Variants in LRRC28 observed in about 807,000 individuals in gnomAD.
LRRC28 encodes leucine-rich repeat-containing protein 28.
LRRC28 carries 39 observed loss-of-function variants against 45.7 expected under a neutral mutation model. The ratio of observed to expected loss-of-function variants is 0.85; its 90% CI spans 0.66 to 1.12. The LOEUF is 1.12. Among genes scored for constraint, LRRC28 ranks in the 50% most tolerant of loss-of-function variants. The probability of loss-of-function intolerance (pLI) is 0.00; values close to 1 mark genes in which losing one functional copy is unlikely to be tolerated. For missense variants in LRRC28, 435 were observed against 438.5 expected, an observed-to-expected ratio of 0.99 and a Z score of 0.07; for synonymous variants, 206 against 178.8, an observed-to-expected ratio of 1.15 and a Z score of -1.22.
At chr15:99,269,645 C>T (rs1307545761) in intron 2 of LRRC28, among the ~76,000 whole-genome samples, 1 of 152,270 alleles carries the variant, frequency 6.6e-6, no homozygotes, top group Middle Eastern at 3.4e-3. Context: ...TCAGGTAATC[C>T]ACCTCCCTCA....
At chr15:99,257,599 A>T in intron 2 of LRRC28, 1 of 637,060 alleles carries the variant, frequency 1.6e-6, no homozygotes, top group Non-Finnish European at 3.0e-6. Flanking sequence ...CTTGCGATCG[A>T]AAGGGACTTG....
chr15:99,305,432 A>AT (rs1955148242), intron 5 of LRRC28, among the ~76,000 whole-genome samples: 1 of 152,182 alleles, frequency 6.6e-6, no homozygotes, highest in Non-Finnish European at 1.5e-5. Flanking sequence ...TATTCATTTA[A>AT]TTTTTTATTT....
intron 9 of LRRC28, among the ~76,000 whole-genome samples, chr15:99,371,809 G>A (rs1777494061): frequency 6.6e-6 from 1 of 152,136 alleles, no homozygotes. Context: ...AAAATTATTT[G>A]TTGACCATCT....
intron 5 of LRRC28, among the ~76,000 whole-genome samples, chr15:99,298,860 C>T (rs1005089086): frequency 2.0e-5 from 3 of 152,096 alleles, no homozygotes; most frequent in African/African-American, 7.2e-5. Flanking sequence ...AGACATGTGC[C>T]ACCACACCCA....
chr15:99,285,351 G>C (rs1470197456), intron 3 of LRRC28: 1 of 742,590 alleles, frequency 1.3e-6, no homozygotes, highest in African/African-American at 1.7e-5. Context: ...TCCACCTTGT[G>C]TGGCTTTGCA....
At chr15:99,370,474 G>A (rs943268973) in intron 9 of LRRC28, among the ~76,000 whole-genome samples, 5 of 152,122 alleles carry the variant, frequency 3.3e-5, no homozygotes, top group African/African-American at 1.2e-4. Context: ...TTTACTATGA[G>A]TATCTTGGGA....
chr15:99,388,864 A>G lies in LRRC28; in HGVS notation c.*2762A>G, dbSNP rs1430765526. The G allele has an allele frequency of 1.3e-5, 2 of 152,218 alleles. No homozygotes were observed. Among genetic ancestry groups the G allele is most frequent in the African/African-American group, 4.8e-5 (2 of 41,456 alleles). The allele number at this position is 152,218 out of a possible 1,614,324, so 9.4% of individuals were successfully genotyped here. A position where few individuals can be genotyped will look rare whatever the true frequency, so the allele number is the denominator to read the frequency against. ...AAGTTTTAAAGTCCAGGATAGCCTC[A>G]TGAGCATAGGCCTTCCTATGAAGTA... On this transcript the variant is annotated 3_prime_UTR_variant, in exon 10 of 10. Coordinates refer to ENST00000301981, the MANE Select transcript of LRRC28 (RefSeq NM_144598.5).
At chr15:99,299,204 G>A (rs114946925) in intron 5 of LRRC28, among the ~76,000 whole-genome samples, 8 of 152,200 alleles carry the variant, frequency 5.3e-5, no homozygotes, top group African/African-American at 1.9e-4. Flanking sequence ...GTATGTTTTT[G>A]ATAAATACGT....
At chr15:99,252,887 T>C (rs1157934466) in intron 1 of LRRC28, among the ~76,000 whole-genome samples, 1 of 152,228 alleles carries the variant, frequency 6.6e-6, no homozygotes, top group Non-Finnish European at 1.5e-5. Context: ...GGGTTACTTT[T>C]AGTTACTGTG....
intron 9 of LRRC28, among the ~76,000 whole-genome samples, chr15:99,381,572 C>T (rs745786991): frequency 1.2e-4 from 18 of 152,202 alleles, no homozygotes; most frequent in South Asian, 4.1e-4. Context: ...CCGTTGCTGG[C>T]GAGGAGCTGT....
At position 99,320,871 on chromosome 15, in the gene LRRC28, T is replaced by C. The variant is rs550405422; in HGVS notation, c.386-13052T>C. The C allele has an allele frequency of 3.3e-5, 5 of 152,320 alleles. No homozygotes were observed. In the South Asian group the frequency reaches 1.0e-3, roughly 32 times the overall value. 9.4% of individuals were successfully genotyped at this position (152,320 alleles called of 1,614,324 possible). A position where few individuals can be genotyped will look rare whatever the true frequency, so the allele number is the denominator to read the frequency against. ...TCAGATCATTGTTAATTCCTTCAGATTAGTTAATCTTGAAAATACACTTAT... is the reference window on the plus strand; with the variant it reads ...TCAGATCATTGTTAATTCCTTCAGACTAGTTAATCTTGAAAATACACTTAT... On this transcript the variant is annotated intron_variant, in intron 5 of 9. Transcript: ENST00000301981.
At position 99,390,126 on chromosome 15, in the gene LRRC28, ATCAT is replaced by A. The variant is rs1376158587; in HGVS notation, c.*4028_*4031del. 2 of 152,344 alleles carry A rather than the reference ATCAT, an allele frequency of 1.3e-5. No homozygotes were observed. The highest frequency in any genetic ancestry group is 4.8e-5 in the African/African-American group (2 of 41,460). The allele number at this position is 152,344 out of a possible 1,614,324, so 9.4% of individuals were successfully genotyped here. A position where few individuals can be genotyped will look rare whatever the true frequency, so the allele number is the denominator to read the frequency against. On this transcript the variant is annotated 3_prime_UTR_variant, in exon 10 of 10. Coordinates refer to ENST00000301981, the MANE Select transcript of LRRC28 (RefSeq NM_144598.5). The stretch of plus-strand genomic sequence containing the variant: ...GAGCGAGACTCCGTCTCAAAAAAAA[ATCAT>A]TCAAGTTTCACTGTGCCTACAGTGA...
At chr15:99,272,240 C>T (rs1355072167) in intron 2 of LRRC28, among the ~76,000 whole-genome samples, 1 of 152,158 alleles carries the variant, frequency 6.6e-6, no homozygotes, top group Non-Finnish European at 1.5e-5. Flanking sequence ...TATTTCTTGT[C>T]TACACTGTAC....
intron 5 of LRRC28, among the ~76,000 whole-genome samples, chr15:99,328,217 G>T (rs1469551776): frequency 6.6e-6 from 1 of 152,194 alleles, no homozygotes; most frequent in South Asian, 2.1e-4. Context: ...AGGTCAGTTT[G>T]TTTGCAGTGC....
In LRRC28 at chr15:99,363,040, TAAG is replaced by T. The variant is rs567195878; in HGVS notation, c.872-62_872-60del. 1.0e-4 allele frequency: 151 copies of T among 1,502,616 alleles called. No homozygotes were observed. The South Asian group carries it at 1.9e-3, about 18-fold the overall frequency. 93.1% of individuals were successfully genotyped at this position (1,502,616 alleles called of 1,614,324 possible). On this transcript the variant is annotated intron_variant, in intron 8 of 9. Transcript: ENST00000301981. ...TGAACTTATTTGGTAACAAATATTT[TAAG>T]AAGCGTAGTTTAAGGAAGTCTGATT... is the stretch of plus-strand genomic sequence containing the variant.
In LRRC28 at chr15:99,308,754, A is replaced by C. The variant is rs140709791; in HGVS notation, c.385+20803A>C. On this transcript the variant is annotated intron_variant, in intron 5 of 9. Transcript: ENST00000301981. ...TATCTCTGCATAACAAATTACCACA[A>C]AGTTAGTGGCATAAAACAACACACA... Among the ~76,000 whole-genome samples the C allele has an allele frequency of 3.8e-4, 58 of 152,238 alleles. 1 individual carries two copies. Among genetic ancestry groups the C allele is most frequent in the Middle Eastern group, 3.4e-3 (1 of 294 alleles).
rs1418968798 is a variant in LRRC28 at position 99,251,548 on chromosome 15, A to C, written c.-61+7A>C. On this transcript the variant is annotated splice_region_variant and intron_variant, in intron 1 of 9. Transcript: ENST00000301981. ...TGGCTCTGCTGGCGCTGAGGTGAGT[A>C]GAGCTGTCCGCCTCGTCGGGTGATT... is the stretch of plus-strand genomic sequence containing the variant. The C allele has an allele frequency of 6.6e-6, 1 of 151,808 alleles. No homozygotes were observed. The highest frequency in any genetic ancestry group is 2.4e-5 in the African/African-American group (1 of 41,344). 9.4% of individuals were successfully genotyped at this position (151,808 alleles called of 1,614,324 possible). A position where few individuals can be genotyped will look rare whatever the true frequency, so the allele number is the denominator to read the frequency against.
chr15:99,283,144 C>T (rs536975714), intron 3 of LRRC28, among the ~76,000 whole-genome samples: 4 of 152,148 alleles, frequency 2.6e-5, no homozygotes, highest in East Asian at 1.9e-4. Context: ...CCACCCACTT[C>T]GGCCTCCCAA....
chr15:99,266,897 C>A (rs924500553), intron 2 of LRRC28, among the ~76,000 whole-genome samples: 1 of 152,032 alleles, frequency 6.6e-6, no homozygotes, highest in African/African-American at 2.4e-5. Context: ...TAAACTAAGT[C>A]ATAAAATGTA....
Sources: gnomAD v4.1 joint callset for allele counts (sites outside exome capture counted in the v4.1 genomes callset) on GRCh38, gnomAD v4.1.1 for gene constraint, MANE v1.5 for transcripts, NCBI Gene and HGNC (gene_info 2026-07-23, HGNC 2026-07-21) for gene names.